The following BSN variants were observed in gnomAD, a reference collection of about 807,000 sequenced individuals.
BSN encodes protein bassoon.
In BSN, 57 loss-of-function variants were observed where a neutral mutation model predicts 264.8. The observed-to-expected ratio is 0.22, with a 90% CI of 0.17 to 0.27. The LOEUF (loss-of-function observed/expected upper bound fraction) is 0.27, where lower values mean the gene tolerates loss of function less well. BSN is among the 10% of genes least tolerant of loss of function. The probability of loss-of-function intolerance (pLI) is 1.00; values close to 1 mark genes in which losing one functional copy is unlikely to be tolerated. For synonymous variants in BSN, 2,059 were observed against 2,137.3 expected, an observed-to-expected ratio of 0.96 and a Z score of 1.01; for missense variants, 4,615 against 5,232.5, an observed-to-expected ratio of 0.88 and a Z score of 3.64.
At chr3:49,636,483 C>T (rs1457777837) in intron 2 of BSN, among the ~76,000 whole-genome samples, 7 of 152,200 alleles carry the variant, frequency 4.6e-5, no homozygotes, top group Admixed American at 4.6e-4. Context: ...GGGGGCTGTC[C>T]AGAGCAGTGT....
At chr3:49,604,140 CCTTCAACTCCTGGG>C (rs1290098675) in intron 1 of BSN, among the ~76,000 whole-genome samples, 1 of 151,796 alleles carries the variant, frequency 6.6e-6, no homozygotes, top group African/African-American at 2.4e-5. Flanking sequence ...CCCAGGTTGG[CCTTCAACTCCTGGG>C]CTCAAGTGAT....
intron 1 of BSN, among the ~76,000 whole-genome samples, chr3:49,569,935 G>A (rs2051783288): frequency 6.6e-6 from 1 of 152,206 alleles, no homozygotes; most frequent in Non-Finnish European, 1.5e-5. Context: ...GAAGAGGGCA[G>A]GAGGGAGGGA....
intron 1 of BSN, among the ~76,000 whole-genome samples, chr3:49,577,245 A>G (rs1001216839): frequency 6.6e-6 from 1 of 152,232 alleles, no homozygotes; most frequent in African/African-American, 2.4e-5. Flanking sequence ...TACCCCAGGA[A>G]TATGAATTTT....
chr3:49,554,821 G>A lies in BSN; in HGVS notation c.219G>A (p.Pro73=). The stretch of plus-strand genomic sequence containing the variant: ...CCGGCCCCGGTCCCGGCCCTGGCCC[G>A]GGCAGGTAAGCGCGTGTCTCGGCGC... ...PGPGPGPGPG[P]GSTSRRLDPK... Residue 73 remains proline (P), a synonymous_variant, in exon 1 of 12, where the codon CCG becomes CCA. Transcript: ENST00000296452. 4 of 1,141,612 alleles carry A rather than the reference G, an allele frequency of 3.5e-6. No individual in the cohort carries two copies. Among genetic ancestry groups the A allele is most frequent in the Non-Finnish European group, 3.2e-6 (3 of 931,342 alleles). The allele number at this position is 1,141,612 out of a possible 1,614,324, so 70.7% of individuals were successfully genotyped here.
Position 49,655,440 on chromosome 3 carries a change from G to A in BSN, c.5884G>A (p.Gly1962Arg). 1 of 1,568,510 alleles carries A rather than the reference G, an allele frequency of 6.4e-7. No individual in the cohort carries two copies. Among genetic ancestry groups the A allele is most frequent in the Non-Finnish European group, 8.6e-7 (1 of 1,156,704 alleles). Residue 1962 changes from glycine (G) to arginine (R), a missense_variant, in exon 5 of 12, where the codon GGG (glycine) becomes AGG (arginine). Physicochemically the swap from Gly to Arg is moderately radical, Grantham distance 125. Around this residue, in one of 3 missense-constraint regions of BSN, gnomAD observed 3,415 missense variants for 3,866.4 expected, o/e 0.88. Transcript: ENST00000296452. ...AACCTACCGGGCACAGGGGGTGGTG[G>A]GGCCTGGGCCCCATGAGGAGCAGAG... ...PPTYRAQGVVGPGPHEEQRPY... is the reference protein window; with the variant it reads ...PPTYRAQGVVRPGPHEEQRPY...
Position 49,656,106 on chromosome 3 carries a change from A to T in BSN, c.6550A>T (p.Thr2184Ser). 1 of 1,611,866 alleles carries T rather than the reference A, an allele frequency of 6.2e-7. No individual in the cohort carries two copies. Residue 2184 changes from threonine (T) to serine (S), a missense_variant, in exon 5 of 12, where the codon ACA (threonine) becomes TCA (serine). Coordinates refer to ENST00000296452, the MANE Select transcript of BSN (RefSeq NM_003458.4). ...GTAVRQLLPS[T>S]ATVRAADGMI... is the part of the protein sequence containing the mutation. ...AGCAGTCAGACAGCTGCTGCCGTCC[A>T]CAGCCACTGTACGTGCAGCTGATGG...
intron 5 of BSN, among the ~76,000 whole-genome samples, chr3:49,659,652 A>G (rs1237413802): frequency 6.6e-6 from 1 of 152,192 alleles, no homozygotes; most frequent in East Asian, 1.9e-4. Flanking sequence ...CTACCAGGCA[A>G]TGTGGACCTT....
chr3:49,584,562 G>A (rs2051920087), intron 1 of BSN, among the ~76,000 whole-genome samples: 1 of 151,976 alleles, frequency 6.6e-6, no homozygotes, highest in African/African-American at 2.4e-5. Flanking sequence ...GGCATGCATC[G>A]TGAAATAAGC....
rs1274718631 is a variant in BSN at position 49,584,016 on chromosome 3, G to A, written c.224+29190G>A. Among the ~76,000 whole-genome samples, 3 of 152,010 alleles carry A rather than the reference G, an allele frequency of 2.0e-5. No homozygotes were observed. In the East Asian group the frequency reaches 5.8e-4, roughly 29 times the overall value. ...AGCCTTCTGAGTAGCTGGGACTACAGGTGCCCACCACCATGCCCAGCTAAT... is the reference window on the plus strand; with the variant it reads ...AGCCTTCTGAGTAGCTGGGACTACAAGTGCCCACCACCATGCCCAGCTAAT... On this transcript the variant is annotated intron_variant, in intron 1 of 11. Coordinates refer to ENST00000296452, the MANE Select transcript of BSN (RefSeq NM_003458.4).
intron 1 of BSN, among the ~76,000 whole-genome samples, chr3:49,600,669 T>G (rs892292112): frequency 6.6e-6 from 1 of 152,046 alleles, no homozygotes; most frequent in Non-Finnish European, 1.5e-5. Flanking sequence ...TCGGTTGTGG[T>G]GAAGCGTGCC....
rs148231096 is a variant in BSN, at chr3:49,660,556, A to C, written c.8711A>C (p.Glu2904Ala). 2.0e-5 allele frequency: 32 copies of C among 1,595,146 alleles called. No individual in the cohort carries two copies. Among genetic ancestry groups the C allele is most frequent in the Admixed American group, 6.8e-5 (4 of 58,578 alleles). ...ACACTGCCCAGCCCCCCTCCAGAGG[A>C]GGCTCACCTTCCCCTGGCTGGCCAG... Reference protein sequence around the residue: ...KRTLPSPPPEEAHLPLAGQAS... With the variant: ...KRTLPSPPPEAAHLPLAGQAS... Residue 2904 changes from glutamate (E) to alanine (A), a missense_variant, in exon 6 of 12, where the codon GAG becomes GCG. Glu to Ala is a moderately radical substitution (Grantham distance 107). This residue lies in a region of BSN where 3,415 missense variants were observed against 3,866.4 expected (regional missense o/e 0.88). Transcript: ENST00000296452. This position sits in a 1 kb window ranked among gnomAD's most constrained non-coding sequence, Gnocchi z 7.1.
At chr3:49,626,515 T>C (rs2052342095) in intron 2 of BSN, among the ~76,000 whole-genome samples, 1 of 151,746 alleles carries the variant, frequency 6.6e-6, no homozygotes, top group Non-Finnish European at 1.5e-5. Flanking sequence ...GCTCCTGGAG[T>C]GTGGGGGCTT....
intron 1 of BSN, among the ~76,000 whole-genome samples, chr3:49,559,234 G>A (rs879732334): frequency 2.0e-5 from 3 of 152,046 alleles, no homozygotes; most frequent in Non-Finnish European, 4.4e-5. Flanking sequence ...GCCGAGAAAT[G>A]CTATCTTAAA....
chr3:49,614,460 G>C (rs1000960921), intron 1 of BSN, among the ~76,000 whole-genome samples: 1 of 152,198 alleles, frequency 6.6e-6, no homozygotes, highest in South Asian at 2.1e-4. Flanking sequence ...CCATGGGATA[G>C]AGGTAAAAAT....
chr3:49,656,768 C>T lies in BSN; in HGVS notation c.7212C>T (p.His2404=). The change falls in exon 5 of 12, where the codon CAC becomes CAT. Residue 2404 remains histidine, a synonymous_variant. Transcript: ENST00000296452. ...GGGAACGTGTGGAGCTGCAGAGGCACCGTGAGGAGGAGCAGCTGCTGGTGC... is the reference window on the plus strand; with the variant it reads ...GGGAACGTGTGGAGCTGCAGAGGCATCGTGAGGAGGAGCAGCTGCTGGTGC... The part of the protein sequence containing the change: ...LERERVELQR[H]REEEQLLVQR... The T allele has an allele frequency of 6.3e-7, 1 of 1,581,724 alleles. No homozygotes were observed. Among genetic ancestry groups the T allele is most frequent in the Non-Finnish European group, 8.6e-7 (1 of 1,163,854 alleles).
At chr3:49,572,879 G>A (rs1298565263) in intron 1 of BSN, among the ~76,000 whole-genome samples, 1 of 152,220 alleles carries the variant, frequency 6.6e-6, no homozygotes, top group Non-Finnish European at 1.5e-5. Context: ...TGTGTGTGCA[G>A]AAGAAAGGAG....
At chr3:49,572,634 C>T (rs753199395) in intron 1 of BSN, among the ~76,000 whole-genome samples, 11 of 152,146 alleles carry the variant, frequency 7.2e-5, no homozygotes, top group Non-Finnish European at 1.3e-4. Context: ...CCCGGGTTCA[C>T]GCCATTCTCC....
intron 3 of BSN, among the ~76,000 whole-genome samples, chr3:49,644,921 G>T (rs1575446038): frequency 6.6e-6 from 1 of 152,362 alleles, no homozygotes; most frequent in East Asian, 1.9e-4. Context: ...TGCCCAAACA[G>T]AAGAGTTTCG....
chr3:49,571,562 C>T (rs539676900), intron 1 of BSN, among the ~76,000 whole-genome samples: 1 of 152,256 alleles, frequency 6.6e-6, no homozygotes, highest in African/African-American at 2.4e-5. Flanking sequence ...GTGGCAAAGC[C>T]TCTGCCACAG....
Sources: allele counts gnomAD v4.1 joint callset (sites outside exome capture counted in the v4.1 genomes callset), GRCh38; gene constraint gnomAD v4.1.1; regional missense constraint gnomAD v4.1.1; non-coding constraint Gnocchi (gnomAD v3.1); transcripts MANE v1.5; gene names NCBI Gene and HGNC (gene_info 2026-07-23, HGNC 2026-07-21).